HDAC3: variants seen among roughly 807,000 people sequenced by gnomAD.
The protein encoded by HDAC3 is SMAP45.
HDAC3 carries 21 observed loss-of-function variants against 62.3 expected under a neutral mutation model. The observed-to-expected ratio is 0.34, with a 90% CI of 0.24 to 0.49. The LOEUF is 0.49. Among genes scored for constraint, HDAC3 ranks in the 20% least tolerant of loss-of-function variants. The pLI, the probability that HDAC3 is intolerant of heterozygous loss-of-function variation, is 0.99. For missense variants in HDAC3, 270 were observed against 556.9 expected (o/e 0.48, Z 5.19); for synonymous variants, 198 against 206.5 (o/e 0.96, Z 0.35).
chr5:141,626,353 G>A lies in HDAC3; in HGVS notation c.831-70C>T, dbSNP rs2099904416. On this transcript the variant is annotated intron_variant, in intron 10 of 14. Transcript: ENST00000305264. This position sits in a 1 kb window ranked among gnomAD's most constrained non-coding sequence, Gnocchi z 4.6. ...GACAAGGTAAATACCTTTAGGTATT[G>A]CCTGAAAGGAGCACAAGAAAACTAT... The A allele has an allele frequency of 1.9e-5, 21 of 1,104,940 alleles. No individual in the cohort carries two copies. The highest frequency in any genetic ancestry group is 3.1e-5 in the African/African-American group (2 of 64,768). 68.4% of individuals were successfully genotyped at this position (1,104,940 alleles called of 1,614,324 possible).
chr5:141,629,916 T>C lies in HDAC3; in HGVS notation c.364A>G (p.Ile122Val), dbSNP rs781697600. ...LQGATQLNNKICDIAINWAGG... is the reference protein window; with the variant it reads ...LQGATQLNNKVCDIAINWAGG... ...GCCCAGTTAATGGCAATATCACAGA[T>C]CTGAAAGACAAACACCTAAGTCACA... The change falls in exon 5 of 15, where the codon ATC becomes GTC. Residue 122 changes from isoleucine (I) to valine (V), a missense_variant and splice_region_variant. Physicochemically the swap from Ile to Val is conservative, Grantham distance 29 (BLOSUM62 3). This residue lies in a region of HDAC3 where 156 missense variants were observed against 383.9 expected (regional missense o/e 0.41). Transcript: ENST00000305264. This position sits in a 1 kb window ranked among gnomAD's most constrained non-coding sequence, Gnocchi z 5.3. 6.2e-7 allele frequency: 1 copy of C among 1,614,120 alleles called. No homozygotes were observed. Among genetic ancestry groups the C allele is most frequent in the Non-Finnish European group, 8.5e-7 (1 of 1,180,028 alleles).
At chr5:141,624,851 C>T (rs2099904236) in intron 14 of HDAC3, 1 of 174,428 alleles carries the variant, frequency 5.7e-6, no homozygotes, top group Non-Finnish European at 1.2e-5. Flanking sequence ...AAAAACCACA[C>T]AAACTGTAAA....
At chr5:141,636,254 G>C in intron 2 of HDAC3, 1 of 451,534 alleles carries the variant, frequency 2.2e-6, no homozygotes, top group Non-Finnish European at 4.1e-6. Flanking sequence ...CTAAAATGCA[G>C]AGGAGGAACA....
chr5:141,623,698 G>A (rs959342554), intron 14 of HDAC3, among the ~76,000 whole-genome samples: 1 of 152,118 alleles, frequency 6.6e-6, no homozygotes, highest in African/African-American at 2.4e-5. Context: ...GTAAAGCCCA[G>A]GTCCAGAGGA....
At chr5:141,624,236 C>T (rs2099904118) in intron 14 of HDAC3, among the ~76,000 whole-genome samples, 1 of 151,128 alleles carries the variant, frequency 6.6e-6, no homozygotes, top group South Asian at 2.1e-4. Flanking sequence ...AATTTGGCAG[C>T]AAATATAAAA....
In HDAC3 at chr5:141,634,946, T is replaced by C; in HGVS notation, c.146A>G (p.Lys49Arg). The change falls in exon 3 of 15, where the codon AAG (lysine) becomes AGG (arginine). Residue 49 changes from lysine (K) to arginine (R), a missense_variant. Lys to Arg is a conservative substitution (Grantham distance 26, BLOSUM62 2). Coordinates refer to ENST00000305264, the MANE Select transcript of HDAC3 (RefSeq NM_003883.4). Reference protein sequence around the residue: ...YGLYKKMIVFKPYQASQHDMC... With the variant: ...YGLYKKMIVFRPYQASQHDMC... Reference sequence around the variant, plus strand: ...GTCATGTTGGGAGGCCTGGTATGGCTTGAAGACCTCGGGATGGAGACACAA... The same window carrying C: ...GTCATGTTGGGAGGCCTGGTATGGCCTGAAGACCTCGGGATGGAGACACAA... 1 of 1,613,824 alleles carries C rather than the reference T, an allele frequency of 6.2e-7. No individual in the cohort carries two copies. Among genetic ancestry groups the C allele is most frequent in the Non-Finnish European group, 8.5e-7 (1 of 1,179,988 alleles).
rs550591898 is a variant in HDAC3, at chr5:141,626,782, G to A, written c.831-499C>T. ...AAAACATATATATGTGTGTGTGTGT[G>A]TGTATATATATATATATACACACAC... On this transcript the variant is annotated intron_variant, in intron 10 of 14. Coordinates refer to ENST00000305264, the MANE Select transcript of HDAC3 (RefSeq NM_003883.4). The surrounding 1 kb of genome is among the most constrained non-coding windows in gnomAD (Gnocchi z 4.6). 4.0e-5 allele frequency among the ~76,000 whole-genome samples: 5 copies of A among 126,468 alleles called. No individual in the cohort carries two copies. The highest frequency in any genetic ancestry group is 1.5e-4 in the African/African-American group (5 of 33,302). 83.0% of individuals were successfully genotyped at this position (126,468 alleles called of 152,430 possible).
At position 141,625,404 on chromosome 5, in the gene HDAC3, G is replaced by C; in HGVS notation, c.1060-39C>G. ...AGGAATACAGAGTGAGCAGTTTCCA[G>C]AGATTCCCAGGACATGGAATCTCCT... On this transcript the variant is annotated intron_variant, in intron 13 of 14. Coordinates refer to ENST00000305264, the MANE Select transcript of HDAC3 (RefSeq NM_003883.4). The surrounding 1 kb of genome is among the most constrained non-coding windows in gnomAD (Gnocchi z 4.0). 6.2e-7 allele frequency: 1 copy of C among 1,607,726 alleles called. No homozygotes were observed. Among genetic ancestry groups the C allele is most frequent in the South Asian group, 1.1e-5 (1 of 90,678 alleles).
intron 3 of HDAC3, among the ~76,000 whole-genome samples, chr5:141,631,251 G>A (rs754940602): frequency 3.9e-5 from 6 of 152,068 alleles, no homozygotes; most frequent in Admixed American, 6.6e-5. Context: ...GCAATGGTGC[G>A]ATCTCGGCTC....
chr5:141,627,751 G>T, intron 10 of HDAC3, 142 bp downstream of exon 10: 3 of 738,884 alleles, frequency 4.1e-6, no homozygotes, highest in South Asian at 3.2e-5. Context: ...TGTTCAAGAT[G>T]ACATTTCTAG....
intron 3 of HDAC3, among the ~76,000 whole-genome samples, chr5:141,634,572 G>A (rs1055806912): frequency 6.6e-6 from 1 of 152,114 alleles, no homozygotes; most frequent in Non-Finnish European, 1.5e-5. Context: ...CTCTTTATAA[G>A]ACTTAGCAAA....
At chr5:141,623,110 C>T (rs1345821248) in intron 14 of HDAC3, among the ~76,000 whole-genome samples, 4 of 151,842 alleles carry the variant, frequency 2.6e-5, no homozygotes, top group African/African-American at 4.8e-5. Flanking sequence ...GCAAAAAGAG[C>T]GAAACTCCGT....
In HDAC3 at chr5:141,625,528, C is replaced by A. The variant is rs1367622674; in HGVS notation, c.1059+157G>T. ...TCTCCCTCCCCACCAACCCCAACTG[C>A]CTCTACTTTAAACTGGACTGCCTCC... On this transcript the variant is annotated intron_variant, in intron 13 of 14. Transcript: ENST00000305264. This position sits in a 1 kb window ranked among gnomAD's most constrained non-coding sequence, Gnocchi z 4.0. Among the ~76,000 whole-genome samples the A allele has an allele frequency of 1.3e-5, 2 of 152,146 alleles. No homozygotes were observed. Among genetic ancestry groups the A allele is most frequent in the African/African-American group, 4.8e-5 (2 of 41,408 alleles).
At position 141,626,495 on chromosome 5, in the gene HDAC3, T is replaced by C; in HGVS notation, c.831-212A>G. 1.8e-6 allele frequency: 1 copy of C among 550,942 alleles called. No homozygotes were observed. The highest frequency in any genetic ancestry group is 1.9e-5 in the African/African-American group (1 of 52,810). The allele number at this position is 550,942 out of a possible 1,614,324, so 34.1% of individuals were successfully genotyped here. A position where few individuals can be genotyped will look rare whatever the true frequency, so the allele number is the denominator to read the frequency against. On this transcript the variant is annotated intron_variant, in intron 10 of 14. Coordinates refer to ENST00000305264, the MANE Select transcript of HDAC3 (RefSeq NM_003883.4). The surrounding 1 kb of genome is among the most constrained non-coding windows in gnomAD (Gnocchi z 4.6). ...TTTTAAAATAAAGCACAGTCCCCCC[T>C]CTGTTCTGCTCAACACCCTCCCTGG...
At chr5:141,634,979 C>G (rs2099905748) in intron 2 of HDAC3, 26 bp from the exon 3 acceptor site, 4 of 1,611,508 alleles carry the variant, frequency 2.5e-6, no homozygotes, top group Non-Finnish European at 2.5e-6. Flanking sequence ...CAAGATGAAC[C>G]CAGGCAGGGT....
chr5:141,626,112 G>A lies in HDAC3; in HGVS notation c.921-41C>T. Reference sequence around the variant, plus strand: ...AGAGGGGAGCAGGCTGACCAAGTGGGCTGAAGGACCCATGTGGCCATATCT... The same window carrying A: ...AGAGGGGAGCAGGCTGACCAAGTGGACTGAAGGACCCATGTGGCCATATCT... On this transcript the variant is annotated intron_variant, in intron 11 of 14. Coordinates refer to ENST00000305264, the MANE Select transcript of HDAC3 (RefSeq NM_003883.4). This position sits in a 1 kb window ranked among gnomAD's most constrained non-coding sequence, Gnocchi z 4.6. The A allele has an allele frequency of 6.2e-7, 1 of 1,608,376 alleles. No individual in the cohort carries two copies. Among genetic ancestry groups the A allele is most frequent in the South Asian group, 1.1e-5 (1 of 90,944 alleles).
Position 141,636,834 on chromosome 5 carries a change from C to A in HDAC3, c.-44G>T. 2.8e-6 allele frequency: 4 copies of A among 1,429,986 alleles called. No homozygotes were observed. The highest frequency in any genetic ancestry group is 1.6e-5 in the South Asian group (1 of 62,580). 88.6% of individuals were successfully genotyped at this position (1,429,986 alleles called of 1,614,324 possible). A position where few individuals can be genotyped will look rare whatever the true frequency, so the allele number is the denominator to read the frequency against. On this transcript the variant is annotated 5_prime_UTR_variant, in exon 1 of 15. Transcript: ENST00000305264. ...CCCCGCACCTCCGCCGCCCGCCGCC[C>A]GCGGCCGCCGCCAGCCCCTCCCCGG...
In HDAC3 at chr5:141,628,465, A is replaced by G. The variant is rs936078732; in HGVS notation, c.691+94T>C. 8.8e-6 allele frequency: 9 copies of G among 1,026,030 alleles called. No individual in the cohort carries two copies. Among genetic ancestry groups the G allele is most frequent in the Non-Finnish European group, 1.4e-5 (9 of 653,746 alleles). 63.6% of individuals were successfully genotyped at this position (1,026,030 alleles called of 1,614,324 possible). A position where few individuals can be genotyped will look rare whatever the true frequency, so the allele number is the denominator to read the frequency against. On this transcript the variant is annotated intron_variant, in intron 8 of 14. Transcript: ENST00000305264. This position sits in a 1 kb window ranked among gnomAD's most constrained non-coding sequence, Gnocchi z 4.7. ...TGAAGGCCATTCATCCTTAAGGACA[A>G]CTGGCCCAACAGCAGACAATACCAG...
intron 14 of HDAC3, among the ~76,000 whole-genome samples, chr5:141,623,149 T>G (rs1052715086): frequency 6.6e-6 from 1 of 152,024 alleles, no homozygotes; most frequent in Non-Finnish European, 1.5e-5. Flanking sequence ...AGAAAGTTAC[T>G]TAGACTCTCT....
Sources: gnomAD v4.1 joint callset for allele counts (sites outside exome capture counted in the v4.1 genomes callset) on GRCh38, gnomAD v4.1.1 for gene constraint, gnomAD v4.1.1 regional missense constraint, Gnocchi (gnomAD v3.1) non-coding constraint, MANE v1.5 for transcripts, NCBI Gene and HGNC (gene_info 2026-07-23, HGNC 2026-07-21) for gene names.